The following CCDC102A variants were observed in gnomAD, a reference collection of about 807,000 sequenced individuals.
The protein encoded by CCDC102A is coiled-coil domain containing 102A.
A neutral mutation model predicts 55.5 loss-of-function variants in CCDC102A; 40 were observed. That is an observed-to-expected ratio of 0.72 (90% CI 0.56 to 0.94). The LOEUF (loss-of-function observed/expected upper bound fraction) is 0.94. Among genes scored for constraint, CCDC102A ranks in the 40% least tolerant of loss-of-function variants. The pLI, the probability that CCDC102A is intolerant of heterozygous loss-of-function variation, is 0.00. For synonymous variants in CCDC102A, 323 were observed against 339.0 expected, an observed-to-expected ratio of 0.95 and a Z score of 0.52; for missense variants, 779 against 768.6, an observed-to-expected ratio of 1.01 and a Z score of -0.16.
chr16:57,528,547 G>A, intron 2 of CCDC102A, 46 bp downstream of exon 2: 3 of 1,154,688 alleles, frequency 2.6e-6, no homozygotes, highest in South Asian at 2.9e-5. Context: ...AATCGGCCCC[G>A]CCCACTTCGA....
chr16:57,526,385 T>C (rs1261961305), intron 2 of CCDC102A, among the ~76,000 whole-genome samples: 2 of 152,094 alleles, frequency 1.3e-5, no homozygotes, highest in Admixed American at 1.3e-4. Context: ...GGTGGTGAGC[T>C]CCCTGTCACT....
chr16:57,526,160 G>T, intron 2 of CCDC102A, 33 bp from the exon 3 acceptor site: 1 of 1,472,826 alleles, frequency 6.8e-7, no homozygotes, highest in Non-Finnish European at 9.1e-7. Context: ...TGGACCAGTG[G>T]CCGCCAAGCC....
intron 3 of CCDC102A, among the ~76,000 whole-genome samples, chr16:57,523,872 G>C (rs1181548333): frequency 6.6e-6 from 1 of 152,160 alleles, no homozygotes; most frequent in African/African-American, 2.4e-5. Context: ...TGGAGGCGTG[G>C]AGTGTTCCAC....
intron 1 of CCDC102A, among the ~76,000 whole-genome samples, chr16:57,535,654 G>A (rs1185821692): frequency 6.7e-6 from 1 of 148,732 alleles, no homozygotes; most frequent in Admixed American, 6.7e-5. Flanking sequence ...ACCCCTCTCG[G>A]CAACACCGTG....
chr16:57,512,513 TGC>T lies in CCDC102A; in HGVS notation c.*226_*227del, dbSNP rs540553651. 3.1e-3 allele frequency: 1,247 copies of T among 406,028 alleles called. 1 individual carries two copies. The highest frequency in any genetic ancestry group is 9.8e-3 in the South Asian group (144 of 14,652). The allele number at this position is 406,028 out of a possible 1,614,324, so 25.2% of individuals were successfully genotyped here. A position where few individuals can be genotyped will look rare whatever the true frequency, so the allele number is the denominator to read the frequency against. ...AAATGGGTCCAAAGACTTCTGGGTG[TGC>T]GCGCGCGCGCGCGCGTGTGTGTATA... On this transcript the variant is annotated 3_prime_UTR_variant, in exon 9 of 9. Transcript: ENST00000258214.
intron 3 of CCDC102A, among the ~76,000 whole-genome samples, chr16:57,523,819 T>A (rs539054738): frequency 2.6e-5 from 4 of 152,120 alleles, no homozygotes; most frequent in Non-Finnish European, 5.9e-5. Context: ...GGTGGCTAAT[T>A]TTTTAGCCAC....
intron 3 of CCDC102A, among the ~76,000 whole-genome samples, chr16:57,524,138 A>C (rs635173): frequency 0.32 from 47,791 of 150,752 alleles, 9,446 homozygotes; most frequent in African/African-American, 0.57. Context: ...ATCTGCAGAA[A>C]CATGTGTTCA....
intron 1 of CCDC102A, among the ~76,000 whole-genome samples, chr16:57,533,935 G>A (rs2032323258): frequency 6.6e-6 from 1 of 152,136 alleles, no homozygotes; most frequent in Admixed American, 6.5e-5. Context: ...TTGGCATACT[G>A]CCCCACCAAG....
At chr16:57,521,878 A>G (rs542907998) in intron 3 of CCDC102A, among the ~76,000 whole-genome samples, 75 of 152,262 alleles carry the variant, frequency 4.9e-4, no homozygotes, top group Non-Finnish European at 8.8e-4. Context: ...CTCTCTCTGA[A>G]AGTGGAACAC....
Position 57,516,184 on chromosome 16 carries a change from C to T in CCDC102A, c.1419+109G>A. On this transcript the variant is annotated intron_variant, in intron 7 of 8. Transcript: ENST00000258214. This position sits in a 1 kb window ranked among gnomAD's most constrained non-coding sequence, Gnocchi z 4.4. ...TCCTGGGCGACTCCTGAGAGACAGGCTTGTGCCAGGCACCAGGGGCTGAGA... is the reference window on the plus strand; with the variant it reads ...TCCTGGGCGACTCCTGAGAGACAGGTTTGTGCCAGGCACCAGGGGCTGAGA... The T allele has an allele frequency of 8.8e-7, 1 of 1,136,218 alleles. No homozygotes were observed. The highest frequency in any genetic ancestry group is 1.4e-5 in the South Asian group (1 of 68,984). The allele number at this position is 1,136,218 out of a possible 1,614,324, so 70.4% of individuals were successfully genotyped here.
chr16:57,528,802 G>A lies in CCDC102A; in HGVS notation c.376C>T (p.Arg126Cys). The A allele has an allele frequency of 2.5e-6, 3 of 1,224,482 alleles. No homozygotes were observed. Among genetic ancestry groups the A allele is most frequent in the African/African-American group, 1.6e-5 (1 of 61,074 alleles). 75.9% of individuals were successfully genotyped at this position (1,224,482 alleles called of 1,614,324 possible). A position where few individuals can be genotyped will look rare whatever the true frequency, so the allele number is the denominator to read the frequency against. The change falls in exon 2 of 9, where the codon CGC becomes TGC. Residue 126 changes from arginine (R) to cysteine (C), a missense_variant. Transcript: ENST00000258214. The stretch of plus-strand genomic sequence containing the variant: ...TTGGTGAGCGCGTCCAGGCGCTGGC[G>A]CAGCTGGCGCACCTCCTCGCGCGCG... ...NRAREEVRQL[R>C]QRLDALTKEL...
chr16:57,535,205 G>A (rs1295872845), intron 1 of CCDC102A, among the ~76,000 whole-genome samples: 1 of 152,230 alleles, frequency 6.6e-6, no homozygotes, highest in African/African-American at 2.4e-5. Context: ...CCTGTGACCT[G>A]CTGCCCAGGA....
At position 57,516,216 on chromosome 16, in the gene CCDC102A, A is replaced by G. The variant is rs2031951893; in HGVS notation, c.1419+77T>C. ...CAGGCACCAGGGGCTGAGAATGGAG[A>G]AGCCAGGATGGCCCTGCGGCCCCCA... On this transcript the variant is annotated intron_variant, in intron 7 of 8. Coordinates refer to ENST00000258214, the MANE Select transcript of CCDC102A (RefSeq NM_033212.4). This position sits in a 1 kb window ranked among gnomAD's most constrained non-coding sequence, Gnocchi z 4.4. 1 of 1,448,892 alleles carries G rather than the reference A, an allele frequency of 6.9e-7. No homozygotes were observed. The highest frequency in any genetic ancestry group is 1.8e-5 in the Admixed American group (1 of 55,116). The allele number at this position is 1,448,892 out of a possible 1,614,324, so 89.8% of individuals were successfully genotyped here. A position where few individuals can be genotyped will look rare whatever the true frequency, so the allele number is the denominator to read the frequency against.
chr16:57,525,529 C>T (rs112320474), intron 3 of CCDC102A, among the ~76,000 whole-genome samples: 2 of 152,310 alleles, frequency 1.3e-5, no homozygotes, highest in African/African-American at 4.8e-5. Flanking sequence ...CAAACTCACA[C>T]GTCCAAAACC....
chr16:57,519,605 T>C (rs1240427561), intron 4 of CCDC102A, among the ~76,000 whole-genome samples: 5 of 152,244 alleles, frequency 3.3e-5, no homozygotes, highest in African/African-American at 9.6e-5. Context: ...TTTCAACACA[T>C]AATGTTGAGG....
rs2032204965 is a variant in CCDC102A, at chr16:57,529,173, C to G, written c.5G>C (p.Ser2Thr). The G allele has an allele frequency of 8.5e-7, 1 of 1,182,738 alleles. No homozygotes were observed. The highest frequency in any genetic ancestry group is 1.0e-6 in the Non-Finnish European group (1 of 956,038). The allele number at this position is 1,182,738 out of a possible 1,614,324, so 73.3% of individuals were successfully genotyped here. A position where few individuals can be genotyped will look rare whatever the true frequency, so the allele number is the denominator to read the frequency against. M[S>T]HGPSPRLAES... is the part of the protein sequence containing the mutation. Reference sequence around the variant, plus strand: ...GGCCAGCCGGGGGCTGGGCCCGTGGCTCATGGTGCGGCCGGGCGGGCCCTG... The same window carrying G: ...GGCCAGCCGGGGGCTGGGCCCGTGGGTCATGGTGCGGCCGGGCGGGCCCTG... The change falls in exon 2 of 9, where the codon AGC (serine) becomes ACC (threonine). Residue 2 changes from serine to threonine, a missense_variant. Transcript: ENST00000258214. The surrounding 1 kb of genome is among the most constrained non-coding windows in gnomAD (Gnocchi z 4.1).
chr16:57,522,943 G>A lies in CCDC102A; in HGVS notation c.813-1767C>T, dbSNP rs554109153. On this transcript the variant is annotated intron_variant, in intron 3 of 8. Coordinates refer to ENST00000258214, the MANE Select transcript of CCDC102A (RefSeq NM_033212.4). ...GCGCTTTGGGAGGCCAAGGCAGGTGGGCTCCCTGAGCTCAGGAGTTCGAGA... is the reference window on the plus strand; with the variant it reads ...GCGCTTTGGGAGGCCAAGGCAGGTGAGCTCCCTGAGCTCAGGAGTTCGAGA... Among the ~76,000 whole-genome samples, 41 of 152,320 alleles carry A rather than the reference G, an allele frequency of 2.7e-4. No homozygotes were observed. In the South Asian group the frequency reaches 8.5e-3, roughly 32 times the overall value.
intron 1 of CCDC102A, among the ~76,000 whole-genome samples, chr16:57,534,782 G>A (rs1270657328): frequency 1.3e-5 from 2 of 152,236 alleles, no homozygotes; most frequent in African/African-American, 4.8e-5. Flanking sequence ...TCTGAGACAG[G>A]TAGGTATCTG....
At chr16:57,524,807 C>G (rs991196276) in intron 3 of CCDC102A, among the ~76,000 whole-genome samples, 1 of 152,172 alleles carries the variant, frequency 6.6e-6, no homozygotes. Context: ...TCATCAAGCT[C>G]GTGCCCTCTA....
Sources: gnomAD v4.1 joint callset for allele counts (sites outside exome capture counted in the v4.1 genomes callset) on GRCh38, gnomAD v4.1.1 for gene constraint, Gnocchi (gnomAD v3.1) non-coding constraint, MANE v1.5 for transcripts, NCBI Gene and HGNC (gene_info 2026-07-23, HGNC 2026-07-21) for gene names.